MTR: variants seen among roughly 807,000 people sequenced by gnomAD.
The protein encoded by MTR is 5-methyltetrahydrofolate-homocysteine methyltransferase.
Under a neutral mutation model 154.8 loss-of-function variants are expected in MTR, and 84 were observed. That is an observed-to-expected ratio of 0.54 (90% CI 0.45 to 0.65). The LOEUF is 0.65. MTR is among the 30% of genes least tolerant of loss of function. The pLI, the probability that MTR is intolerant of heterozygous loss-of-function variation, is 0.00. For missense variants in MTR, 1,275 were observed against 1,570.2 expected (o/e 0.81, Z 3.18); for synonymous variants, 554 against 553.9 (o/e 1.00, Z 0.00).
intron 16 of MTR, 44 bp downstream of exon 16, chr1:236,850,567 T>TC: frequency 6.5e-7 from 1 of 1,527,246 alleles, no homozygotes; most frequent in Non-Finnish European, 9.1e-7. Context: ...CTCAAATTTG[T>TC]CCCATGGGTC....
chr1:236,891,218 G>C lies in MTR; in HGVS notation c.3093G>C (p.Val1031=), dbSNP rs776813487. The change falls in exon 29 of 33, where the codon GTG becomes GTC. Residue 1031 remains valine, a synonymous_variant. Transcript: ENST00000366577. Reference sequence around the variant, plus strand: ...AAAAGAAACTCCGGGCCCGGGGTGTGGTTGGGTTCTGGCCAGCACAGAGTA... The same window carrying C: ...AAAAGAAACTCCGGGCCCGGGGTGTCGTTGGGTTCTGGCCAGCACAGAGTA... ...ISQKKLRARG[V]VGFWPAQSIQ... 2 of 1,614,054 alleles carry C rather than the reference G, an allele frequency of 1.2e-6. No homozygotes were observed. The highest frequency in any genetic ancestry group is 2.7e-5 in the African/African-American group (2 of 74,922).
Position 236,826,880 on chromosome 1 carries a change from A to C in MTR, c.979A>C (p.Thr327Pro). The C allele has an allele frequency of 6.2e-7, 1 of 1,614,004 alleles. No individual in the cohort carries two copies. Among genetic ancestry groups the C allele is most frequent in the Non-Finnish European group, 8.5e-7 (1 of 1,179,880 alleles). ...TATAGTTGGAGGATGCTGTGGGTCA[A>C]CACCAGATCATATCAGGTAATAATC... ...VNIVGGCCGS[T>P]PDHIREIAEA... Residue 327 changes from threonine to proline, a missense_variant, in exon 11 of 33, where the codon ACA becomes CCA. Thr to Pro is a conservative substitution (Grantham distance 38). Coordinates refer to ENST00000366577, the MANE Select transcript of MTR (RefSeq NM_000254.3).
chr1:236,872,272 G>A (rs1438820822), intron 22 of MTR, among the ~76,000 whole-genome samples: 1 of 151,994 alleles, frequency 6.6e-6, no homozygotes, highest in Non-Finnish European at 1.5e-5. Flanking sequence ...CTGAGAGTGT[G>A]CTCCAGGCTT....
intron 24 of MTR, among the ~76,000 whole-genome samples, chr1:236,878,096 A>G (rs781588288): frequency 4.7e-5 from 7 of 149,764 alleles, no homozygotes; most frequent in African/African-American, 7.4e-5. Flanking sequence ...TCAGAAATAC[A>G]TATATTGCAA....
At chr1:236,873,335 C>G (rs1665241589) in intron 22 of MTR, among the ~76,000 whole-genome samples, 1 of 152,126 alleles carries the variant, frequency 6.6e-6, no homozygotes, top group Non-Finnish European at 1.5e-5. Flanking sequence ...AGTGTTTCTG[C>G]TCTGGGTGAT....
At chr1:236,820,684 C>T (rs1266092974) in intron 8 of MTR, among the ~76,000 whole-genome samples, 1 of 151,714 alleles carries the variant, frequency 6.6e-6, no homozygotes, top group Non-Finnish European at 1.5e-5. Flanking sequence ...GAGGGGATTG[C>T]TGTATCTTAT....
intron 22 of MTR, among the ~76,000 whole-genome samples, chr1:236,864,268 A>G (rs181104023): frequency 6.6e-6 from 1 of 152,128 alleles, no homozygotes; most frequent in African/African-American, 2.4e-5. Context: ...CTTCTTTCCA[A>G]TGTGCCATTT....
intron 25 of MTR, among the ~76,000 whole-genome samples, chr1:236,881,767 A>G (rs1001752478): frequency 2.6e-5 from 4 of 152,090 alleles, no homozygotes; most frequent in South Asian, 2.1e-4. Context: ...TTATATAATC[A>G]TCACTAACAT....
intron 1 of MTR, among the ~76,000 whole-genome samples, chr1:236,802,958 A>G (rs991268441): frequency 1.3e-5 from 2 of 152,200 alleles, no homozygotes; most frequent in Non-Finnish European, 1.5e-5. Context: ...AGAGGTGAGT[A>G]AAACTCTGTT....
intron 15 of MTR, among the ~76,000 whole-genome samples, chr1:236,840,852 G>A (rs962174518): frequency 6.6e-6 from 1 of 152,112 alleles, no homozygotes; most frequent in Non-Finnish European, 1.5e-5. Context: ...TCCCCTTCTA[G>A]AATGATTTTT....
intron 24 of MTR, among the ~76,000 whole-genome samples, chr1:236,876,345 A>G (rs1313752949): frequency 6.6e-6 from 1 of 152,206 alleles, no homozygotes; most frequent in African/African-American, 2.4e-5. Flanking sequence ...GCGTTTCCAC[A>G]AAGGACTTAT....
intron 1 of MTR, among the ~76,000 whole-genome samples, chr1:236,797,602 C>G (rs1270439362): frequency 6.6e-6 from 1 of 151,986 alleles, no homozygotes; most frequent in Non-Finnish European, 1.5e-5. Flanking sequence ...TCTTCTCCGG[C>G]TTATTAAAAT....
intron 15 of MTR, among the ~76,000 whole-genome samples, chr1:236,842,143 G>C (rs1487647863): frequency 6.6e-6 from 1 of 152,102 alleles, no homozygotes; most frequent in African/African-American, 2.4e-5. Flanking sequence ...CGCCCGCCTC[G>C]GCTTCCCAAA....
intron 19 of MTR, among the ~76,000 whole-genome samples, 168 bp downstream of exon 19, chr1:236,860,090 CA>C (rs1664445131): frequency 1.2e-5 from 1 of 84,424 alleles, no homozygotes; most frequent in Non-Finnish European, 2.6e-5. Flanking sequence ...CCCCCCCCCC[CA>C]CCATAGCACA....
At chr1:236,866,181 G>A (rs1024865228) in intron 22 of MTR, among the ~76,000 whole-genome samples, 45 of 152,138 alleles carry the variant, frequency 3.0e-4, no homozygotes, top group African/African-American at 1.1e-3. Context: ...ATCCTGCATA[G>A]AACATGTGTC....
chr1:236,863,487 G>A lies in MTR; in HGVS notation c.2338G>A (p.Val780Ile), dbSNP rs747734704. The A allele has an allele frequency of 1.2e-6, 2 of 1,614,070 alleles. No individual in the cohort carries two copies. The highest frequency in any genetic ancestry group is 2.2e-5 in the South Asian group (2 of 91,088). Residue 780 changes from valine to isoleucine, a missense_variant, in exon 22 of 33, where the codon GTT becomes ATT. Transcript: ENST00000366577. ...PYQGTIVLAT[V>I]KGDVHDIGKN... ...CCAGGGCACCATCGTGCTGGCCACT[G>A]TTAAAGGCGACGTGCACGACATAGG...
intron 22 of MTR, among the ~76,000 whole-genome samples, chr1:236,868,641 T>C (rs1664951541): frequency 1.3e-5 from 2 of 152,214 alleles, no homozygotes; most frequent in Non-Finnish European, 2.9e-5. Context: ...TGTTTAATTA[T>C]GTAAGAAAAA....
At chr1:236,817,025 A>G (rs1041113191) in intron 8 of MTR, among the ~76,000 whole-genome samples, 1 of 152,216 alleles carries the variant, frequency 6.6e-6, no homozygotes, top group African/African-American at 2.4e-5. Flanking sequence ...GTAGTATACT[A>G]TGATAGCTCC....
chr1:236,897,066 T>A lies in MTR; in HGVS notation c.3659T>A (p.Phe1220Tyr). ...GCTTCAGCAGTCTCAGGCCTCTACT[T>A]CTCCAATTTGAAGTCCAAATATTTT... ...APASAVSGLY[F>Y]SNLKSKYFAV... The change falls in exon 32 of 33, where the codon TTC becomes TAC. Residue 1220 changes from phenylalanine (F) to tyrosine (Y), a missense_variant. By Grantham distance (22) the Phe-to-Tyr change is conservative. Transcript: ENST00000366577. 6.2e-7 allele frequency: 1 copy of A among 1,614,090 alleles called. No homozygotes were observed. Among genetic ancestry groups the A allele is most frequent in the Non-Finnish European group, 8.5e-7 (1 of 1,180,014 alleles).
Sources: allele counts gnomAD v4.1 joint callset (sites outside exome capture counted in the v4.1 genomes callset), GRCh38; gene constraint gnomAD v4.1.1; transcripts MANE v1.5; gene names NCBI Gene and HGNC (gene_info 2026-07-23, HGNC 2026-07-21).